The following MDGA2 variants were observed in gnomAD, a reference collection of about 807,000 sequenced individuals.
MDGA2 encodes MAM domain-containing glycosylphosphatidylinositol anchor protein 2.
In MDGA2, 40 loss-of-function variants were observed where a neutral mutation model predicts 117.8. The observed-to-expected ratio is 0.34, with a 90% CI of 0.26 to 0.44. The LOEUF (loss-of-function observed/expected upper bound fraction) is 0.44. Ranked by LOEUF, MDGA2 falls within the 20% of genes least tolerant of loss-of-function variation. MDGA2 has a pLI of 1.00. For synonymous variants in MDGA2, 452 were observed against 439.0 expected, an observed-to-expected ratio of 1.03 and a Z score of -0.37; for missense variants, 1,123 against 1,250.6, an observed-to-expected ratio of 0.90 and a Z score of 1.54.
intron 8 of MDGA2, among the ~76,000 whole-genome samples, chr14:46,969,060 C>G (rs1886153025): frequency 6.6e-6 from 1 of 152,158 alleles, no homozygotes; most frequent in Non-Finnish European, 1.5e-5. Context: ...TCATCCATGT[C>G]CCTACAAAGG....
intron 1 of MDGA2, among the ~76,000 whole-genome samples, chr14:47,360,393 A>AT (rs1891094139): frequency 4.7e-5 from 7 of 149,952 alleles, no homozygotes; most frequent in African/African-American, 7.3e-5. Flanking sequence ...AAATAAATAA[A>AT]ATAAAATAAA....
intron 11 of MDGA2, among the ~76,000 whole-genome samples, chr14:46,880,478 T>C (rs1393818546): frequency 6.6e-6 from 1 of 152,050 alleles, no homozygotes; most frequent in Non-Finnish European, 1.5e-5. Flanking sequence ...ATTTCAATTT[T>C]TGAAATATTT....
At chr14:47,511,416 G>T (rs1470355408) in intron 1 of MDGA2, among the ~76,000 whole-genome samples, 1 of 152,070 alleles carries the variant, frequency 6.6e-6, no homozygotes, top group Non-Finnish European at 1.5e-5. Context: ...AGAGGTTCTT[G>T]TATTTACATA....
chr14:47,661,254 G>A (rs1359729529), intron 1 of MDGA2, among the ~76,000 whole-genome samples: 5 of 152,000 alleles, frequency 3.3e-5, no homozygotes, highest in African/African-American at 1.2e-4. Context: ...TCAGCCACCA[G>A]TAACTATATG....
chr14:46,881,427 G>A (rs1319084913), intron 11 of MDGA2, among the ~76,000 whole-genome samples: 1 of 152,058 alleles, frequency 6.6e-6, no homozygotes, highest in African/African-American at 2.4e-5. Flanking sequence ...ATACTGTAAT[G>A]GTGGAGAAAT....
intron 2 of MDGA2, among the ~76,000 whole-genome samples, chr14:47,286,955 T>A (rs569933757): frequency 6.6e-6 from 1 of 151,566 alleles, no homozygotes; most frequent in Non-Finnish European, 1.5e-5. Context: ...GATTATTCTC[T>A]TTTATAATTC....
At chr14:47,673,399 C>G (rs1594975786) in intron 1 of MDGA2, among the ~76,000 whole-genome samples, 1 of 152,102 alleles carries the variant, frequency 6.6e-6, no homozygotes, top group Non-Finnish European at 1.5e-5. Flanking sequence ...GAGTCCAAAC[C>G]CCTGAGTGAA....
chr14:47,253,904 G>A (rs1958097), intron 2 of MDGA2, among the ~76,000 whole-genome samples: 125,825 of 152,274 alleles, frequency 0.83, 52,346 homozygotes, highest in East Asian at 0.93. Context: ...CCAAACTTCA[G>A]TTATTTTCCT....
At chr14:47,085,580 T>G (rs1255866492) in intron 6 of MDGA2, among the ~76,000 whole-genome samples, 1 of 151,890 alleles carries the variant, frequency 6.6e-6, no homozygotes, top group African/African-American at 2.4e-5. Flanking sequence ...CATCTGATTA[T>G]GCATGCTATG....
chr14:47,663,213 G>T, intron 1 of MDGA2, among the ~76,000 whole-genome samples: 1 of 152,188 alleles, frequency 6.6e-6, no homozygotes, highest in East Asian at 1.9e-4. Context: ...CTTGGCAGTT[G>T]TATCTCTCCA....
intron 1 of MDGA2, among the ~76,000 whole-genome samples, chr14:47,629,080 G>T (rs1216615382): frequency 6.6e-6 from 1 of 152,032 alleles, no homozygotes; most frequent in Non-Finnish European, 1.5e-5. Flanking sequence ...CAAACATCCT[G>T]CATGCTAACC....
chr14:47,196,467 T>C (rs371083372), intron 3 of MDGA2, among the ~76,000 whole-genome samples: 11 of 152,276 alleles, frequency 7.2e-5, no homozygotes, highest in African/African-American at 2.6e-4. Flanking sequence ...GCGTATACTT[T>C]TTGCAGTGAT....
At chr14:46,955,653 G>A (rs1371510235) in intron 9 of MDGA2, among the ~76,000 whole-genome samples, 1 of 151,948 alleles carries the variant, frequency 6.6e-6, no homozygotes, top group South Asian at 2.1e-4. Context: ...AGAAAGAAAA[G>A]AGGAATAATC....
chr14:47,172,594 T>G (rs560804803), intron 3 of MDGA2, among the ~76,000 whole-genome samples: 30 of 152,330 alleles, frequency 2.0e-4, no homozygotes, highest in Admixed American at 1.3e-3. Flanking sequence ...GGGTCCTGTC[T>G]GTTAGAAGGA....
At chr14:46,932,705 G>C (rs893923428) in intron 9 of MDGA2, among the ~76,000 whole-genome samples, 6 of 151,966 alleles carry the variant, frequency 3.9e-5, no homozygotes, top group Non-Finnish European at 7.4e-5. Context: ...TCCTGCCATT[G>C]GTTATTAGGA....
chr14:47,607,537 T>C (rs138956571), intron 1 of MDGA2, among the ~76,000 whole-genome samples: 22 of 152,282 alleles, frequency 1.4e-4, no homozygotes, highest in African/African-American at 4.6e-4. Flanking sequence ...ATGGTTCAAA[T>C]TGTATGGTTG....
intron 1 of MDGA2, among the ~76,000 whole-genome samples, chr14:47,354,852 AT>A (rs34663265): frequency 2.7e-4 from 41 of 150,708 alleles, no homozygotes; most frequent in East Asian, 1.8e-3. Flanking sequence ...TGTGAAGATA[AT>A]TTTTTTTTTC....
intron 1 of MDGA2, among the ~76,000 whole-genome samples, chr14:47,469,415 T>G (rs545867652): frequency 6.6e-6 from 1 of 152,188 alleles, no homozygotes; most frequent in Admixed American, 6.5e-5. Flanking sequence ...TTTGGTTTTT[T>G]GTCCTTGCAA....
chr14:47,065,077 A>G (rs1890033399), intron 6 of MDGA2, among the ~76,000 whole-genome samples: 1 of 152,166 alleles, frequency 6.6e-6, no homozygotes, highest in Non-Finnish European at 1.5e-5. Context: ...AATGTATCAT[A>G]AATCGTGATA....
Sources: gnomAD v4.1 joint callset for allele counts (sites outside exome capture counted in the v4.1 genomes callset) on GRCh38, gnomAD v4.1.1 for gene constraint, MANE v1.5 for transcripts, NCBI Gene and HGNC (gene_info 2026-07-23, HGNC 2026-07-21) for gene names.